The following TMCC2 variants were observed in gnomAD, a reference collection of about 807,000 sequenced individuals.
TMCC2 encodes the protein transmembrane and coiled-coil domains protein 2.
TMCC2 carries 16 observed loss-of-function variants against 49.4 expected under a neutral mutation model. The ratio of observed to expected loss-of-function variants is 0.32; its 90% CI spans 0.22 to 0.49. The LOEUF (loss-of-function observed/expected upper bound fraction) is 0.49. Among genes scored for constraint, TMCC2 ranks in the 20% least tolerant of loss-of-function variants. The probability of loss-of-function intolerance (pLI) is 0.99; values close to 1 mark genes in which losing one functional copy is unlikely to be tolerated. For synonymous variants in TMCC2, 397 were observed against 434.1 expected (o/e 0.91, Z 1.06); for missense variants, 762 against 989.8 (o/e 0.77, Z 3.09).
intron 2 of TMCC2, among the ~76,000 whole-genome samples, chr1:205,251,274 C>T (rs1461810787): frequency 6.6e-6 from 1 of 152,186 alleles, no homozygotes; most frequent in East Asian, 1.9e-4. Flanking sequence ...CCTTTTCCTA[C>T]CTCCCTTCTC....
Position 205,227,986 on chromosome 1 carries a change from G to T in TMCC2, c.-579G>T, listed in dbSNP as rs1337008639. 1.3e-5 allele frequency among the ~76,000 whole-genome samples: 2 copies of T among 149,600 alleles called. No individual in the cohort carries two copies. Among genetic ancestry groups the T allele is most frequent in the African/African-American group, 2.4e-5 (1 of 41,158 alleles). On this transcript the variant is annotated 5_prime_UTR_variant, in exon 1 of 5. Coordinates refer to ENST00000358024, the MANE Select transcript of TMCC2 (RefSeq NM_014858.4). ...GCTCGGGCCGCGGTCGCGGCTTTGCGGCAGGCTGCGCGTCAGGCGGGGAGC... is the reference window on the plus strand; with the variant it reads ...GCTCGGGCCGCGGTCGCGGCTTTGCTGCAGGCTGCGCGTCAGGCGGGGAGC...
chr1:205,250,141 A>T (rs1660608677), intron 2 of TMCC2, among the ~76,000 whole-genome samples: 1 of 152,234 alleles, frequency 6.6e-6, no homozygotes, highest in African/African-American at 2.4e-5. Context: ...CATAAGCTGC[A>T]GCGTCCTCTT....
rs1022990555 is a variant in TMCC2 at position 205,264,707 on chromosome 1, G to C, written c.748-4243G>C. Among the ~76,000 whole-genome samples, 1 of 152,124 alleles carries C rather than the reference G, an allele frequency of 6.6e-6. No individual in the cohort carries two copies. Among genetic ancestry groups the C allele is most frequent in the Non-Finnish European group, 1.5e-5 (1 of 68,018 alleles). ...GGGTTTCACCATGTTGGCCAGGCTG[G>C]TCTCCAACTCCTAACCTCAGGTGAT... On this transcript the variant is annotated intron_variant, in intron 2 of 4. Transcript: ENST00000358024. The surrounding 1 kb of genome is among the most constrained non-coding windows in gnomAD (Gnocchi z 4.2).
At chr1:205,246,391 A>C in intron 2 of TMCC2, 1 of 917,148 alleles carries the variant, frequency 1.1e-6, no homozygotes, top group Non-Finnish European at 1.4e-6. Context: ...GGAAATGCCA[A>C]ATAAGCAGTC....
chr1:205,269,438 CCT>C lies in TMCC2; in HGVS notation c.1240_1241del (p.Ser414ThrfsTer26). On this transcript the variant is annotated frameshift_variant, in exon 3 of 5. Coordinates refer to ENST00000358024, the MANE Select transcript of TMCC2 (RefSeq NM_014858.4). LOFTEE classifies it high-confidence loss of function. ...VEGVKGSLSG[L>X]SQATHTAVVS... The stretch of plus-strand genomic sequence containing the variant: ...AGGGCGTCAAGGGCAGCCTCTCTGG[CCT>C]CTCACAGGCCACCCACACCGCCGTG... 6.2e-7 allele frequency: 1 copy of C among 1,606,252 alleles called. No homozygotes were observed. Among genetic ancestry groups the C allele is most frequent in the Non-Finnish European group, 8.5e-7 (1 of 1,174,712 alleles).
Position 205,241,806 on chromosome 1 carries a change from G to C in TMCC2, c.509G>C (p.Ser170Thr). The C allele has an allele frequency of 6.2e-7, 1 of 1,606,100 alleles. No individual in the cohort carries two copies. Among genetic ancestry groups the C allele is most frequent in the Non-Finnish European group, 8.5e-7 (1 of 1,177,250 alleles). Residue 170 changes from serine (S) to threonine (T), a missense_variant, in exon 2 of 5, where the codon AGC (serine) becomes ACC (threonine). By Grantham distance (58) the Ser-to-Thr change is moderately conservative. This residue lies in a region of TMCC2 where 322 missense variants were observed against 353.1 expected (regional missense o/e 0.91). Transcript: ENST00000358024. The surrounding 1 kb of genome is among the most constrained non-coding windows in gnomAD (Gnocchi z 7.3). ...AAGCGGGGCGCCAGCCTGCACAGCA[G>C]CAGTGGGGGCGGCAGCAGCGGGAGC... is the stretch of plus-strand genomic sequence containing the variant. ...SIKRGASLHS[S>T]SGGGSSGSSS...
chr1:205,264,993 C>A lies in TMCC2; in HGVS notation c.748-3957C>A, dbSNP rs1295237937. Among the ~76,000 whole-genome samples the A allele has an allele frequency of 2.0e-5, 3 of 152,290 alleles. No individual in the cohort carries two copies. In the East Asian group the frequency reaches 5.8e-4, roughly 29 times the overall value. On this transcript the variant is annotated intron_variant, in intron 2 of 4. Transcript: ENST00000358024. The surrounding 1 kb of genome is among the most constrained non-coding windows in gnomAD (Gnocchi z 4.2). ...TTTCTGGAAGCCAGTGGAACTGAGT[C>A]CTCCACAGGGAAGAGAATAAAATGG...
At chr1:205,268,261 A>G (rs1391948882) in intron 2 of TMCC2, among the ~76,000 whole-genome samples, 6 of 152,210 alleles carry the variant, frequency 3.9e-5, no homozygotes, top group Admixed American at 3.9e-4. Flanking sequence ...TCAGAAATCC[A>G]ACCCCATGAC....
At chr1:205,265,889 C>T (rs367592696) in intron 2 of TMCC2, among the ~76,000 whole-genome samples, 14 of 151,484 alleles carry the variant, frequency 9.2e-5, no homozygotes, top group African/African-American at 3.4e-4. Flanking sequence ...ATTCTTTCTC[C>T]CAAGAAGACA....
rs1311616872 is a variant in TMCC2 at position 205,246,395 on chromosome 1, A to T, written c.747+4351A>T. 2.1e-5 allele frequency: 20 copies of T among 931,074 alleles called. No homozygotes were observed. In the East Asian group the frequency reaches 8.3e-4, roughly 39 times the overall value. 57.7% of individuals were successfully genotyped at this position (931,074 alleles called of 1,614,324 possible). On this transcript the variant is annotated intron_variant, in intron 2 of 4. Coordinates refer to ENST00000358024, the MANE Select transcript of TMCC2 (RefSeq NM_014858.4). ...AACATCCACGTGGAAATGCCAAATA[A>T]GCAGTCAGCTGTACGAGTCTGGAGT...
intron 2 of TMCC2, among the ~76,000 whole-genome samples, chr1:205,259,731 C>T (rs1239914473): frequency 6.6e-6 from 1 of 152,216 alleles, no homozygotes; most frequent in South Asian, 2.1e-4. Context: ...CCACGGGAGC[C>T]AGGGCTGGGA....
chr1:205,236,834 G>A (rs1217519254), intron 1 of TMCC2: 2 of 152,282 alleles, frequency 1.3e-5, no homozygotes. Context: ...GGCAGAGAGA[G>A]GGCACGCCAT....
chr1:205,264,068 A>ATTCC lies in TMCC2; in HGVS notation c.748-4881_748-4880insTCCT, dbSNP rs1661222264. The stretch of plus-strand genomic sequence containing the variant: ...GTTAATACTGGGATTAAATGAATTA[A>ATTCC]TAGGTGTAAACACTGAGAGACAAGT... On this transcript the variant is annotated intron_variant, in intron 2 of 4. Transcript: ENST00000358024. The surrounding 1 kb of genome is among the most constrained non-coding windows in gnomAD (Gnocchi z 4.2). Among the ~76,000 whole-genome samples the ATTCC allele has an allele frequency of 1.3e-5, 2 of 152,250 alleles. No homozygotes were observed. Among genetic ancestry groups the ATTCC allele is most frequent in the Non-Finnish European group, 2.9e-5 (2 of 68,046 alleles).
At chr1:205,250,434 G>C (rs945016250) in intron 2 of TMCC2, among the ~76,000 whole-genome samples, 2 of 152,036 alleles carry the variant, frequency 1.3e-5, no homozygotes, top group African/African-American at 4.8e-5. Flanking sequence ...CCAGCTACTC[G>C]GGAGGCTGAG....
intron 1 of TMCC2, among the ~76,000 whole-genome samples, chr1:205,237,353 T>C (rs1411720462): frequency 1.3e-5 from 2 of 152,114 alleles, no homozygotes; most frequent in Non-Finnish European, 2.9e-5. Context: ...ACCCTATAAA[T>C]AGAGGAATGT....
intron 2 of TMCC2, among the ~76,000 whole-genome samples, chr1:205,247,128 C>T (rs1660485335): frequency 6.6e-6 from 1 of 152,278 alleles, no homozygotes; most frequent in Admixed American, 6.5e-5. Context: ...ATTTTATATC[C>T]TTCTTTAGAA....
At position 205,243,586 on chromosome 1, in the gene TMCC2, G is replaced by T. The variant is rs141126483; in HGVS notation, c.747+1542G>T. Among the ~76,000 whole-genome samples the T allele has an allele frequency of 4.9e-4, 75 of 152,306 alleles. No homozygotes were observed. The East Asian group carries it at 0.011, about 23-fold the overall frequency. ...TGAATAGGAGGCAAAGGAAAGGGAG[G>T]CGTAGAGGATGATTCTAAGGTTATG... On this transcript the variant is annotated intron_variant, in intron 2 of 4. Transcript: ENST00000358024.
chr1:205,231,658 T>A (rs1324079831), intron 1 of TMCC2, among the ~76,000 whole-genome samples: 2 of 152,144 alleles, frequency 1.3e-5, no homozygotes, highest in African/African-American at 2.4e-5. Context: ...AGTTTTCCAA[T>A]GATAGAAAAA....
chr1:205,243,610 T>C (rs1660353987), intron 2 of TMCC2, among the ~76,000 whole-genome samples: 2 of 152,230 alleles, frequency 1.3e-5, no homozygotes, highest in Non-Finnish European at 2.9e-5. Flanking sequence ...TCTAAGGTTA[T>C]GGGCTTAGTG....
Sources: gnomAD v4.1 joint callset for allele counts (sites outside exome capture counted in the v4.1 genomes callset) on GRCh38, gnomAD v4.1.1 for gene constraint, gnomAD v4.1.1 regional missense constraint, Gnocchi (gnomAD v3.1) non-coding constraint, MANE v1.5 for transcripts, NCBI Gene and HGNC (gene_info 2026-07-23, HGNC 2026-07-21) for gene names.